The following LGR5 variants were observed in gnomAD, a reference collection of about 807,000 sequenced individuals.
The protein encoded by LGR5 is leucine-rich repeat-containing G protein-coupled receptor 5.
In LGR5, 54 loss-of-function variants were observed where a neutral mutation model predicts 76.7. That is an observed-to-expected ratio of 0.70 (90% confidence interval 0.57 to 0.88). LGR5 has a LOEUF of 0.88. Among genes scored for constraint, LGR5 ranks in the 40% least tolerant of loss-of-function variants. The probability of loss-of-function intolerance (pLI) is 0.00; values close to 1 mark genes in which losing one functional copy is unlikely to be tolerated. For synonymous variants in LGR5, 406 were observed against 421.9 expected, an observed-to-expected ratio of 0.96 and a Z score of 0.46; for missense variants, 1,078 against 1,073.3, an observed-to-expected ratio of 1.00 and a Z score of -0.06.
intron 1 of LGR5, among the ~76,000 whole-genome samples, chr12:71,493,159 A>G (rs1198467983): frequency 6.6e-6 from 1 of 151,332 alleles, no homozygotes; most frequent in Non-Finnish European, 1.5e-5. Flanking sequence ...TAACGGACCA[A>G]TCTTTTGTGG....
chr12:71,575,744 G>T (rs1878822759), intron 13 of LGR5, among the ~76,000 whole-genome samples: 2 of 151,882 alleles, frequency 1.3e-5, no homozygotes, highest in African/African-American at 4.8e-5. Context: ...GTGTGTGTGT[G>T]TGTGTGTGTG....
chr12:71,561,721 G>T, intron 7 of LGR5, 60 bp from the exon 8 acceptor site: 3 of 901,912 alleles, frequency 3.3e-6, no homozygotes, highest in Non-Finnish European at 5.2e-6. Flanking sequence ...CAGGGTGGGG[G>T]CCTCTATTAA....
chr12:71,487,874 C>T (rs994314250), intron 1 of LGR5, among the ~76,000 whole-genome samples: 1 of 152,160 alleles, frequency 6.6e-6, no homozygotes, highest in African/African-American at 2.4e-5. Flanking sequence ...GTTTTCTATG[C>T]GTAAGGATAA....
intron 2 of LGR5, among the ~76,000 whole-genome samples, chr12:71,517,677 C>G (rs1163550141): frequency 6.6e-6 from 1 of 152,078 alleles, no homozygotes; most frequent in East Asian, 1.9e-4. Context: ...ACATTTTGAC[C>G]AAAATAACAG....
At chr12:71,487,148 G>C (rs1212236516) in intron 1 of LGR5, among the ~76,000 whole-genome samples, 2 of 152,096 alleles carry the variant, frequency 1.3e-5, no homozygotes, top group Non-Finnish European at 2.9e-5. Flanking sequence ...TAAATGTCAT[G>C]GTTATTTTTT....
intron 1 of LGR5, among the ~76,000 whole-genome samples, chr12:71,465,507 G>C (rs1235030071): frequency 6.6e-6 from 1 of 152,034 alleles, no homozygotes; most frequent in East Asian, 1.9e-4. Flanking sequence ...TATGATCCTT[G>C]GCTTTTCTCC....
Position 71,561,820 on chromosome 12 carries a change from A to C in LGR5, c.825A>C (p.Lys275Asn). ...HSNNIRSIPE[K>N]AFVGNPSLIT... ...ACAATATCAGGTCGATACCTGAGAA[A>C]GCATTTGTAGGCAACCCTTCTCTTA... is the stretch of plus-strand genomic sequence containing the variant. Residue 275 changes from lysine to asparagine, a missense_variant, in exon 8 of 18, where the codon AAA becomes AAC. Physicochemically the swap from Lys to Asn is moderately conservative, Grantham distance 94 (BLOSUM62 0). Transcript: ENST00000266674. 6.2e-7 allele frequency: 1 copy of C among 1,607,110 alleles called. No individual in the cohort carries two copies. Among genetic ancestry groups the C allele is most frequent in the East Asian group, 2.2e-5 (1 of 44,724 alleles).
chr12:71,534,471 T>C (rs1420431291), intron 3 of LGR5, among the ~76,000 whole-genome samples: 2 of 152,210 alleles, frequency 1.3e-5, no homozygotes, highest in East Asian at 3.9e-4. Flanking sequence ...TTATTTCCAT[T>C]TGGTGTAACT....
At position 71,566,451 on chromosome 12, in the gene LGR5, A is replaced by C. The variant is rs1878346474; in HGVS notation, c.905A>C (p.Gln302Pro). Residue 302 changes from glutamine (Q) to proline (P), a missense_variant, in exon 9 of 18, where the codon CAA becomes CCA. Physicochemically the swap from Gln to Pro is moderately conservative, Grantham distance 76 (BLOSUM62 -1). Transcript: ENST00000266674. ...PIQFVGRSAF[Q>P]HLPELRTLTL... ...CAGTTTGTTGGGAGATCTGCTTTTCAACATTTACCTGAACTAAGAACACTG... is the reference window on the plus strand; with the variant it reads ...CAGTTTGTTGGGAGATCTGCTTTTCCACATTTACCTGAACTAAGAACACTG... 6.2e-7 allele frequency: 1 copy of C among 1,605,466 alleles called. No individual in the cohort carries two copies.
intron 2 of LGR5, among the ~76,000 whole-genome samples, chr12:71,515,517 A>T (rs1258007387): frequency 6.6e-6 from 1 of 152,252 alleles, no homozygotes; most frequent in East Asian, 1.9e-4. Flanking sequence ...GAGTGGGAAA[A>T]TTCAGAAATA....
intron 1 of LGR5, among the ~76,000 whole-genome samples, chr12:71,489,248 C>T (rs60189579): frequency 0.023 from 3,473 of 152,216 alleles, 136 homozygotes; most frequent in African/African-American, 0.079. Context: ...AACCATCCCA[C>T]CAGTACTTTT....
chr12:71,457,284 C>A (rs1872519565), intron 1 of LGR5, among the ~76,000 whole-genome samples: 1 of 152,042 alleles, frequency 6.6e-6, no homozygotes, highest in South Asian at 2.1e-4. Flanking sequence ...TTGACACAGA[C>A]CCTATTTCTG....
chr12:71,532,411 C>A (rs887570677), intron 3 of LGR5, among the ~76,000 whole-genome samples: 3 of 151,970 alleles, frequency 2.0e-5, no homozygotes, highest in Admixed American at 6.6e-5. Flanking sequence ...CCTAAGGAAC[C>A]AATACATTTG....
intron 1 of LGR5, among the ~76,000 whole-genome samples, chr12:71,449,126 C>T (rs1037064483): frequency 1.3e-5 from 2 of 152,212 alleles, no homozygotes; most frequent in Admixed American, 6.5e-5. Flanking sequence ...CTCCATCCCT[C>T]GCTTCAAGAT....
intron 1 of LGR5, among the ~76,000 whole-genome samples, chr12:71,450,232 C>T (rs949490492): frequency 3.9e-5 from 6 of 152,172 alleles, no homozygotes; most frequent in Non-Finnish European, 7.3e-5. Context: ...CTCAAAAACT[C>T]CCAGTTACTT....
intron 13 of LGR5, among the ~76,000 whole-genome samples, chr12:71,574,713 C>T (rs145611449): frequency 6.6e-6 from 1 of 152,276 alleles, no homozygotes; most frequent in Non-Finnish European, 1.5e-5. Flanking sequence ...CAGCACACTC[C>T]AGGTCCCTGA....
intron 13 of LGR5, among the ~76,000 whole-genome samples, chr12:71,576,215 T>C (rs902182049): frequency 6.6e-6 from 1 of 152,208 alleles, no homozygotes; most frequent in Non-Finnish European, 1.5e-5. Context: ...CAAACCTGCA[T>C]GTCCTGCACG....
chr12:71,538,517 T>C (rs1466948726), intron 4 of LGR5, among the ~76,000 whole-genome samples: 2 of 151,978 alleles, frequency 1.3e-5, no homozygotes, highest in Non-Finnish European at 2.9e-5. Flanking sequence ...CATGCACTAG[T>C]GTTTTCTAAC....
chr12:71,569,715 A>G (rs112219075), intron 11 of LGR5, among the ~76,000 whole-genome samples: 28,999 of 152,164 alleles, frequency 0.19, 3,147 homozygotes, highest in East Asian at 0.44. Context: ...TGGTGGGAAT[A>G]TAAATTAGTT....
Sources: allele counts gnomAD v4.1 joint callset (sites outside exome capture counted in the v4.1 genomes callset), GRCh38; gene constraint gnomAD v4.1.1; transcripts MANE v1.5; gene names NCBI Gene and HGNC (gene_info 2026-07-23, HGNC 2026-07-21).